DENND3: variants seen among roughly 807,000 people sequenced by gnomAD.
DENND3 encodes DENN domain containing 3.
DENND3 carries 88 observed loss-of-function variants against 135.1 expected under a neutral mutation model. The observed-to-expected ratio is 0.65, with a 90% CI of 0.55 to 0.78. The LOEUF is 0.78. Ranked by LOEUF, DENND3 falls within the 30% of genes least tolerant of loss-of-function variation. DENND3 has a pLI of 0.00. For missense variants in DENND3, 1,392 were observed against 1,688.4 expected, an observed-to-expected ratio of 0.82 and a Z score of 3.08; for synonymous variants, 693 against 712.3, an observed-to-expected ratio of 0.97 and a Z score of 0.43.
rs1298722214 is a variant in DENND3, at chr8:141,138,575, G to A, written c.501+438G>A. On this transcript the variant is annotated intron_variant, in intron 3 of 22. Coordinates refer to ENST00000519811, the MANE Select transcript of DENND3 (RefSeq NM_001352890.3). The surrounding 1 kb of genome is among the most constrained non-coding windows in gnomAD (Gnocchi z 4.8). ...TAATTTTTGTGTTTTTAGTGGAGAC[G>A]GGGTTTCACCATGTTGGCCGGGCTG... 6.6e-6 allele frequency among the ~76,000 whole-genome samples: 1 copy of A among 151,948 alleles called. No homozygotes were observed. The highest frequency in any genetic ancestry group is 1.5e-5 in the Non-Finnish European group (1 of 68,004).
rs1464287724 is a variant in DENND3 at position 141,175,887 on chromosome 8, CAT to C, written c.2535+430_2535+431del. On this transcript the variant is annotated intron_variant, in intron 14 of 22. Transcript: ENST00000519811. This position sits in a 1 kb window ranked among gnomAD's most constrained non-coding sequence, Gnocchi z 5.4. ...ACAGTCGGACCTGGTTCATATAAAA[CAT>C]AACAAGCTTATTTTATAACAATTAA... 4 of 224,184 alleles carry C rather than the reference CAT, an allele frequency of 1.8e-5. No individual in the cohort carries two copies. In the East Asian group the frequency reaches 4.8e-4, roughly 27 times the overall value. 13.9% of individuals were successfully genotyped at this position (224,184 alleles called of 1,614,324 possible).
In DENND3 at chr8:141,141,729, A is replaced by G. The variant is rs1022365960; in HGVS notation, c.623+405A>G. On this transcript the variant is annotated intron_variant, in intron 4 of 22. Transcript: ENST00000519811. This position sits in a 1 kb window ranked among gnomAD's most constrained non-coding sequence, Gnocchi z 5.3. Reference sequence around the variant, plus strand: ...TATTAGGAGGCTGCTGTTTGTTCCAATGAGTTTTATTGACATTTTAAAGAT... The same window carrying G: ...TATTAGGAGGCTGCTGTTTGTTCCAGTGAGTTTTATTGACATTTTAAAGAT... 4 of 221,150 alleles carry G rather than the reference A, an allele frequency of 1.8e-5. No individual in the cohort carries two copies. The highest frequency in any genetic ancestry group is 2.8e-5 in the Non-Finnish European group (3 of 107,622). The allele number at this position is 221,150 out of a possible 1,614,324, so 13.7% of individuals were successfully genotyped here.
At position 141,192,544 on chromosome 8, in the gene DENND3, G is replaced by A. The variant is rs1220217471; in HGVS notation, c.3517G>A (p.Ala1173Thr). 1.3e-6 allele frequency: 2 copies of A among 1,592,286 alleles called. No individual in the cohort carries two copies. Among genetic ancestry groups the A allele is most frequent in the Non-Finnish European group, 1.7e-6 (2 of 1,168,156 alleles). ...LLPEEEQLWAACAGRSEVYIW... is the reference protein window; with the variant it reads ...LLPEEEQLWATCAGRSEVYIW... The stretch of plus-strand genomic sequence containing the variant: ...GTTTCAGGAGGAGCAGCTGTGGGCG[G>A]CCTGTGCAGGACGCAGCGAGGTTTA... The change falls in exon 22 of 23, where the codon GCC (alanine) becomes ACC (threonine). Residue 1173 changes from alanine (A) to threonine (T), a missense_variant. Coordinates refer to ENST00000519811, the MANE Select transcript of DENND3 (RefSeq NM_001352890.3).
intron 17 of DENND3, among the ~76,000 whole-genome samples, chr8:141,183,437 T>TG (rs1823443110): frequency 6.9e-6 from 1 of 144,412 alleles, no homozygotes; most frequent in Admixed American, 6.7e-5. Context: ...TTTTTTTTTT[T>TG]GTAGAGATGG....
In DENND3 at chr8:141,168,378, G is replaced by C; in HGVS notation, c.2128G>C (p.Glu710Gln). The C allele has an allele frequency of 6.2e-7, 1 of 1,613,922 alleles. No individual in the cohort carries two copies. The highest frequency in any genetic ancestry group is 1.1e-5 in the South Asian group (1 of 91,080). Residue 710 changes from glutamate to glutamine, a missense_variant, in exon 13 of 23, where the codon GAG (glutamate) becomes CAG (glutamine). Transcript: ENST00000519811. This position sits in a 1 kb window ranked among gnomAD's most constrained non-coding sequence, Gnocchi z 6.2. ...CAGCGAGATCCTGGACAAGCCGCAC[G>C]AGGCCTCGAAGCTGGACGACCACGT... ...LISEILDKPH[E>Q]ASKLDDHVKK...
Position 141,141,580 on chromosome 8 carries a change from A to G in DENND3, c.623+256A>G. 2.0e-6 allele frequency: 1 copy of G among 504,326 alleles called. No individual in the cohort carries two copies. The highest frequency in any genetic ancestry group is 3.6e-6 in the Non-Finnish European group (1 of 279,306). 31.2% of individuals were successfully genotyped at this position (504,326 alleles called of 1,614,324 possible). ...TCTCTGTGACTGGTAACATACGGTA[A>G]TGGCATGGTAGGAAAGGGATGAAGC... On this transcript the variant is annotated intron_variant, in intron 4 of 22. Transcript: ENST00000519811. This position sits in a 1 kb window ranked among gnomAD's most constrained non-coding sequence, Gnocchi z 5.3.
intron 8 of DENND3, chr8:141,158,102 C>G (rs1227518199): frequency 8.0e-7 from 1 of 1,253,496 alleles, no homozygotes; most frequent in South Asian, 1.3e-5. Flanking sequence ...TAAAAAATTC[C>G]CTAAGGCCTT....
chr8:141,159,865 C>T (rs1819913366), intron 8 of DENND3, among the ~76,000 whole-genome samples: 1 of 152,228 alleles, frequency 6.6e-6, no homozygotes, highest in Non-Finnish European at 1.5e-5. Flanking sequence ...TGGCCATCTC[C>T]TGGTGGGCCA....
At chr8:141,150,311 C>A (rs1818640430) in intron 5 of DENND3, 1 of 1,283,030 alleles carries the variant, frequency 7.8e-7, no homozygotes, top group Non-Finnish European at 1.0e-6. Flanking sequence ...AGTAGCCATT[C>A]TGTGAATACA....
chr8:141,171,276 A>G (rs1033059551), intron 13 of DENND3, among the ~76,000 whole-genome samples: 2 of 152,252 alleles, frequency 1.3e-5, no homozygotes, highest in African/African-American at 4.8e-5. Context: ...ATAAGAATAC[A>G]TCAGAGATTT....
At position 141,175,831 on chromosome 8, in the gene DENND3, G is replaced by A. The variant is rs1384997526; in HGVS notation, c.2535+372G>A. 3.2e-6 allele frequency: 1 copy of A among 313,414 alleles called. No homozygotes were observed. Among genetic ancestry groups the A allele is most frequent in the South Asian group, 3.0e-5 (1 of 33,126 alleles). The allele number at this position is 313,414 out of a possible 1,614,324, so 19.4% of individuals were successfully genotyped here. On this transcript the variant is annotated intron_variant, in intron 14 of 22. Coordinates refer to ENST00000519811, the MANE Select transcript of DENND3 (RefSeq NM_001352890.3). The surrounding 1 kb of genome is among the most constrained non-coding windows in gnomAD (Gnocchi z 5.4). ...TGAGAAACTGCCATGTGCCAGCCAC[G>A]GTGAGCTACAGTAGCTCACATTTTC...
chr8:141,143,643 T>C (rs1433275630), intron 4 of DENND3, among the ~76,000 whole-genome samples: 1 of 152,142 alleles, frequency 6.6e-6, no homozygotes, highest in Admixed American at 6.5e-5. Flanking sequence ...TGGCCTCAAG[T>C]GATTCTCCCA....
At chr8:141,193,190 A>G (rs976460707) in intron 22 of DENND3, 3 of 174,800 alleles carry the variant, frequency 1.7e-5, no homozygotes, top group Non-Finnish European at 3.7e-5. Flanking sequence ...TGCAGACTCT[A>G]CTTCCAAAGA....
intron 19 of DENND3, among the ~76,000 whole-genome samples, chr8:141,189,568 G>A (rs1824413365): frequency 6.6e-6 from 1 of 152,234 alleles, no homozygotes; most frequent in Non-Finnish European, 1.5e-5. Context: ...TGGACACGGG[G>A]CATCCAGGGA....
chr8:141,168,317 G>A lies in DENND3; in HGVS notation c.2067G>A (p.Glu689=). The A allele has an allele frequency of 6.2e-7, 1 of 1,614,056 alleles. No homozygotes were observed. Among genetic ancestry groups the A allele is most frequent in the Non-Finnish European group, 8.5e-7 (1 of 1,180,008 alleles). ...TVESMSAPEW[E]GAEQAPELMR... is the part of the protein sequence containing the mutation. ...AATCCATGTCTGCCCCTGAGTGGGA[G>A]GGGGCTGAGCAGGCGCCGGAGCTGA... The change falls in exon 13 of 23, where the codon GAG becomes GAA. Residue 689 remains glutamate, a synonymous_variant. Coordinates refer to ENST00000519811, the MANE Select transcript of DENND3 (RefSeq NM_001352890.3). This position sits in a 1 kb window ranked among gnomAD's most constrained non-coding sequence, Gnocchi z 6.2.
chr8:141,192,180 G>C, intron 20 of DENND3, 151 bp from the exon 21 acceptor site: 1 of 1,022,042 alleles, frequency 9.8e-7, no homozygotes, highest in Non-Finnish European at 1.4e-6. Flanking sequence ...TTTCCCAGTA[G>C]ACCTCACCTG....
At chr8:141,185,832 CAAAT>C (rs1220618347) in intron 18 of DENND3, among the ~76,000 whole-genome samples, 1 of 151,514 alleles carries the variant, frequency 6.6e-6, no homozygotes, top group East Asian at 2.0e-4. Context: ...CTCAAACAGA[CAAAT>C]AATAATAATA....
chr8:141,194,381 G>A lies in DENND3; in HGVS notation c.*148G>A, dbSNP rs997239400. On this transcript the variant is annotated 3_prime_UTR_variant, in exon 23 of 23. Transcript: ENST00000519811. Reference sequence around the variant, plus strand: ...GCCCACTTACCGTGTGGCCAGCCGCGAGACCCATGGCCACGCACCTTCTCT... The same window carrying A: ...GCCCACTTACCGTGTGGCCAGCCGCAAGACCCATGGCCACGCACCTTCTCT... 6 of 919,062 alleles carry A rather than the reference G, an allele frequency of 6.5e-6. No homozygotes were observed. In the Admixed American group the frequency reaches 7.6e-5, roughly 12 times the overall value. The allele number at this position is 919,062 out of a possible 1,614,324, so 56.9% of individuals were successfully genotyped here.
intron 18 of DENND3, 89 bp downstream of exon 18, chr8:141,185,367 A>G (rs1363716911): frequency 6.5e-7 from 1 of 1,545,272 alleles, no homozygotes; most frequent in Admixed American, 1.8e-5. Context: ...ACAGTAGGAT[A>G]CAAGCTATTC....
Sources: allele counts gnomAD v4.1 joint callset (sites outside exome capture counted in the v4.1 genomes callset), GRCh38; gene constraint gnomAD v4.1.1; non-coding constraint Gnocchi (gnomAD v3.1); transcripts MANE v1.5; gene names NCBI Gene and HGNC (gene_info 2026-07-23, HGNC 2026-07-21).